NF1: variants seen among roughly 807,000 people sequenced by gnomAD.
NF1 encodes the protein neurofibromin 1.
A neutral mutation model predicts 325.7 loss-of-function variants in NF1; 122 were observed. That is an observed-to-expected ratio of 0.37 (90% CI 0.32 to 0.44). The LOEUF (loss-of-function observed/expected upper bound fraction) is 0.44, where lower values mean the gene tolerates loss of function less well. NF1 is among the 20% of genes least tolerant of loss of function. NF1 has a pLI of 1.00. For synonymous variants in NF1, 1,091 were observed against 1,186.0 expected (o/e 0.92, Z 1.65); for missense variants, 2,140 against 3,415.4 (o/e 0.63, Z 9.31).
chr17:31,301,003 C>T (rs1220026992), intron 36 of NF1, among the ~76,000 whole-genome samples: 1 of 152,094 alleles, frequency 6.6e-6, no homozygotes, highest in Non-Finnish European at 1.5e-5. Context: ...TCTTCCCCTT[C>T]CTGCCCCATA....
In NF1 at chr17:31,330,347, A is replaced by G. The variant is rs149759456; in HGVS notation, c.5661A>G (p.Lys1887=). Residue 1887 remains lysine (K), a synonymous_variant, in exon 39 of 58, where the codon AAA becomes AAG. Coordinates refer to ENST00000358273, the MANE Select transcript of NF1 (RefSeq NM_001042492.3). ...CCTTAACTTGTACCTTTAATTTAAAAATCGAGGGCCAGTTACTAGAGACAT... is the reference window on the plus strand; with the variant it reads ...CCTTAACTTGTACCTTTAATTTAAAGATCGAGGGCCAGTTACTAGAGACAT... The part of the protein sequence containing the change: ...LCALTCTFNL[K]IEGQLLETSG... 1 of 1,614,082 alleles carries G rather than the reference A, an allele frequency of 6.2e-7. No homozygotes were observed. The highest frequency in any genetic ancestry group is 8.5e-7 in the Non-Finnish European group (1 of 1,179,966).
chr17:31,241,848 A>C (rs1202427352), intron 29 of NF1, among the ~76,000 whole-genome samples: 1 of 152,136 alleles, frequency 6.6e-6, no homozygotes, highest in Non-Finnish European at 1.5e-5. Flanking sequence ...TTGTACCTTC[A>C]GATTTCTTAT....
At position 31,225,214 on chromosome 17, in the gene NF1, A is replaced by G. The variant is rs2144027490; in HGVS notation, c.1965A>G (p.Gly655=). 6.2e-7 allele frequency: 1 copy of G among 1,613,796 alleles called. No homozygotes were observed. The highest frequency in any genetic ancestry group is 8.5e-7 in the Non-Finnish European group (1 of 1,179,766). The change falls in exon 17 of 58, where the codon GGA becomes GGG. Residue 655 remains glycine, a synonymous_variant. Coordinates refer to ENST00000358273, the MANE Select transcript of NF1 (RefSeq NM_001042492.3). ...ATGAAGAATTACTACGTACTCCTGGAGCCTCTCTCCGGAAGGGAAAAGGGA... is the reference window on the plus strand; with the variant it reads ...ATGAAGAATTACTACGTACTCCTGGGGCCTCTCTCCGGAAGGGAAAAGGGA... ...MDHEELLRTP[G]ASLRKGKGNS... is the part of the protein sequence containing the mutation.
chr17:31,285,875 G>A (rs1360927032), intron 36 of NF1, among the ~76,000 whole-genome samples: 1 of 152,144 alleles, frequency 6.6e-6, no homozygotes, highest in Non-Finnish European at 1.5e-5. Context: ...GAAAGGAACA[G>A]CCCCAGAGTT....
intron 13 of NF1, among the ~76,000 whole-genome samples, chr17:31,216,089 A>T (rs1412298093): frequency 6.6e-6 from 1 of 152,206 alleles, no homozygotes; most frequent in Non-Finnish European, 1.5e-5. Flanking sequence ...CCTGTCAGTG[A>T]AACTCTATAA....
In NF1 at chr17:31,223,568, G is replaced by C. The variant is rs1567845945; in HGVS notation, c.1845+1G>C. On this transcript the variant is annotated splice_donor_variant, in intron 16 of 57. Coordinates refer to ENST00000358273, the MANE Select transcript of NF1 (RefSeq NM_001042492.3). LOFTEE classifies it high-confidence loss of function. The stretch of plus-strand genomic sequence containing the variant: ...GAATAAATTTCTTCTTAAAAATAAG[G>C]TAAGCAAAATGACATATTTAAAAAA... 6.2e-7 allele frequency: 1 copy of C among 1,610,812 alleles called. No individual in the cohort carries two copies. The highest frequency in any genetic ancestry group is 1.3e-5 in the African/African-American group (1 of 74,914).
chr17:31,105,936 C>G (rs1265674719), intron 1 of NF1, among the ~76,000 whole-genome samples: 2 of 152,190 alleles, frequency 1.3e-5, no homozygotes, highest in East Asian at 3.8e-4. Flanking sequence ...AATAGCAGGA[C>G]TACTAGAAAC....
At chr17:31,146,728 G>A (rs1326346487) in intron 1 of NF1, among the ~76,000 whole-genome samples, 2 of 152,216 alleles carry the variant, frequency 1.3e-5, no homozygotes, top group African/African-American at 2.4e-5. Flanking sequence ...CAACCCCCAC[G>A]GGGAGCCTGG....
Position 31,230,293 on chromosome 17 carries a change from A to G in NF1, c.3024A>G (p.Ala1008=), listed in dbSNP as rs779490777. 33 of 1,613,380 alleles carry G rather than the reference A, an allele frequency of 2.0e-5. No individual in the cohort carries two copies. Among genetic ancestry groups the G allele is most frequent in the Non-Finnish European group, 2.7e-5 (32 of 1,179,580 alleles). The change falls in exon 23 of 58, where the codon GCA becomes GCG. Residue 1008 remains alanine (A), a synonymous_variant. Coordinates refer to ENST00000358273, the MANE Select transcript of NF1 (RefSeq NM_001042492.3). ...GTGTGCTTGGGAATATGGTCCATGCAATTCAAATAAAAACGAAACTGTGTC... is the reference window on the plus strand; with the variant it reads ...GTGTGCTTGGGAATATGGTCCATGCGATTCAAATAAAAACGAAACTGTGTC... The part of the protein sequence containing the change: ...YVRVLGNMVH[A]IQIKTKLCQL...
intron 3 of NF1, among the ~76,000 whole-genome samples, chr17:31,160,217 C>G (rs1052726680): frequency 4.6e-5 from 7 of 152,136 alleles, no homozygotes; most frequent in Admixed American, 4.6e-4. Context: ...TCCCAAGTAG[C>G]TGGGATTACA....
Position 31,187,493 on chromosome 17 carries a change from C to T in NF1, c.888+4828C>T, listed in dbSNP as rs1024427966. 5.3e-5 allele frequency among the ~76,000 whole-genome samples: 8 copies of T among 152,172 alleles called. No homozygotes were observed. The East Asian group carries it at 1.5e-3, about 29-fold the overall frequency. ...TACAGGCATGAGCCAATGTGCCTGGCCACACTGGTCTTAACCATGTTCCCA... is the reference window on the plus strand; with the variant it reads ...TACAGGCATGAGCCAATGTGCCTGGTCACACTGGTCTTAACCATGTTCCCA... On this transcript the variant is annotated intron_variant, in intron 8 of 57. Transcript: ENST00000358273.
chr17:31,348,618 CTT>C (rs2070056531), intron 48 of NF1, among the ~76,000 whole-genome samples: 1 of 149,646 alleles, frequency 6.7e-6, no homozygotes, highest in African/African-American at 2.4e-5. Context: ...AAATCTGTTT[CTT>C]GTTTTCTTCA....
In NF1 at chr17:31,094,983, G is replaced by C. The variant is rs1041731888; in HGVS notation, c.-327G>C. 41 of 531,546 alleles carry C rather than the reference G, an allele frequency of 7.7e-5. No homozygotes were observed. Among genetic ancestry groups the C allele is most frequent in the Non-Finnish European group, 7.3e-5 (22 of 299,574 alleles). 32.9% of individuals were successfully genotyped at this position (531,546 alleles called of 1,614,324 possible). A position where few individuals can be genotyped will look rare whatever the true frequency, so the allele number is the denominator to read the frequency against. Reference sequence around the variant, plus strand: ...GGGCCGTGGAAAGGATCCCACTTCCGGTGGGGTGTCATGGCGGCGTCTCGG... The same window carrying C: ...GGGCCGTGGAAAGGATCCCACTTCCCGTGGGGTGTCATGGCGGCGTCTCGG... On this transcript the variant is annotated 5_prime_UTR_variant, in exon 1 of 58. Coordinates refer to ENST00000358273, the MANE Select transcript of NF1 (RefSeq NM_001042492.3).
intron 1 of NF1, among the ~76,000 whole-genome samples, chr17:31,143,773 T>C (rs1201641106): frequency 6.6e-6 from 1 of 152,192 alleles, no homozygotes; most frequent in Admixed American, 6.6e-5. Context: ...TAACAGTATA[T>C]TTCAGTACTT....
At chr17:31,298,646 G>T (rs1006465219) in intron 36 of NF1, among the ~76,000 whole-genome samples, 2 of 152,002 alleles carry the variant, frequency 1.3e-5, no homozygotes, top group Admixed American at 1.3e-4. Flanking sequence ...GTGCTTTATT[G>T]CCACTTTACT....
chr17:31,224,226 G>A (rs2066975239), intron 16 of NF1, among the ~76,000 whole-genome samples: 1 of 152,094 alleles, frequency 6.6e-6, no homozygotes, highest in African/African-American at 2.4e-5. Flanking sequence ...ATTGAAACAT[G>A]GTGAGGTTGT....
intron 36 of NF1, chr17:31,304,749 T>G: frequency 1.2e-6 from 2 of 1,614,220 alleles, no homozygotes; most frequent in Non-Finnish European, 1.7e-6. Context: ...ACTTAATTTC[T>G]AAGTCATCTG....
At chr17:31,212,400 T>G (rs2066744341) in intron 12 of NF1, among the ~76,000 whole-genome samples, 1 of 152,120 alleles carries the variant, frequency 6.6e-6, no homozygotes, top group South Asian at 2.1e-4. Flanking sequence ...TAAGTAGGAG[T>G]ATAACAATAC....
intron 1 of NF1, among the ~76,000 whole-genome samples, chr17:31,103,281 C>T (rs192110866): frequency 5.9e-5 from 9 of 152,168 alleles, no homozygotes; most frequent in East Asian, 1.9e-4. Context: ...CTCGCTTTCT[C>T]GCCTAGGCTG....
Sources: gnomAD v4.1 joint callset for allele counts (sites outside exome capture counted in the v4.1 genomes callset) on GRCh38, gnomAD v4.1.1 for gene constraint, MANE v1.5 for transcripts, NCBI Gene and HGNC (gene_info 2026-07-23, HGNC 2026-07-21) for gene names.